The following SULF1 variants were observed in gnomAD, a reference collection of about 807,000 sequenced individuals.
The protein encoded by SULF1 is extracellular sulfatase Sulf-1.
In SULF1, 46 loss-of-function variants were observed where a neutral mutation model predicts 110.5. The ratio of observed to expected loss-of-function variants is 0.42; its 90% confidence interval spans 0.33 to 0.53. SULF1 has a LOEUF of 0.53. Among genes scored for constraint, SULF1 ranks in the 20% least tolerant of loss-of-function variants. The probability of loss-of-function intolerance (pLI) is 0.12; values close to 1 mark genes in which losing one functional copy is unlikely to be tolerated. For synonymous variants in SULF1, 371 were observed against 387.1 expected (o/e 0.96, Z 0.49); for missense variants, 941 against 1,094.2 (o/e 0.86, Z 1.98).
chr8:69,526,138 C>A (rs1162998219), intron 3 of SULF1, among the ~76,000 whole-genome samples: 1 of 152,080 alleles, frequency 6.6e-6, no homozygotes, highest in Non-Finnish European at 1.5e-5. Flanking sequence ...TTCTGCAAGA[C>A]CGTGCCAGCT....
Position 69,659,429 on chromosome 8 carries a change from C to G in SULF1, c.*894C>G, listed in dbSNP as rs925486978. On this transcript the variant is annotated 3_prime_UTR_variant, in exon 23 of 23. Transcript: ENST00000402687. ...CAACATTCCAAGCTACCCTGGGTAC[C>G]TTTGTGCAGTAGAAGCTAGTGAGCA... is the stretch of plus-strand genomic sequence containing the variant. The G allele has an allele frequency of 2.9e-6, 1 of 344,386 alleles. No individual in the cohort carries two copies. Among genetic ancestry groups the G allele is most frequent in the Non-Finnish European group, 5.7e-6 (1 of 176,474 alleles). The allele number at this position is 344,386 out of a possible 1,614,324, so 21.3% of individuals were successfully genotyped here.
chr8:69,582,961 A>G (rs897857737), intron 6 of SULF1, among the ~76,000 whole-genome samples: 6 of 152,200 alleles, frequency 3.9e-5, no homozygotes, highest in African/African-American at 1.4e-4. Context: ...AACTACACGT[A>G]GTCAGCACAG....
At chr8:69,554,995 AAAAC>A (rs777790520) in intron 3 of SULF1, among the ~76,000 whole-genome samples, 1,087 of 86,964 alleles carry the variant, frequency 0.012, 146 homozygotes, top group African/African-American at 0.062. Context: ...AAAAAAAAAA[AAAAC>A]AAAAAAAAAA....
At chr8:69,579,719 C>A (rs1805932876) in intron 6 of SULF1, among the ~76,000 whole-genome samples, 1 of 152,002 alleles carries the variant, frequency 6.6e-6, no homozygotes, top group African/African-American at 2.4e-5. Context: ...GGACAACAAC[C>A]CATTTGAAAA....
intron 3 of SULF1, among the ~76,000 whole-genome samples, chr8:69,535,411 G>C (rs916458857): frequency 1.1e-4 from 17 of 152,210 alleles, no homozygotes; most frequent in Admixed American, 8.5e-4. Context: ...GAACAGAAGA[G>C]AGGTGCACTC....
At position 69,623,964 on chromosome 8, in the gene SULF1, T is replaced by C. The variant is rs1222070851; in HGVS notation, c.1617T>C (p.His539=). The C allele has an allele frequency of 1.2e-6, 2 of 1,613,884 alleles. No individual in the cohort carries two copies. The highest frequency in any genetic ancestry group is 1.7e-5 in the Admixed American group (1 of 59,972). The stretch of plus-strand genomic sequence containing the variant: ...TAGAGTACAAGCCCAGATTTGTCCA[T>C]ACTCGGCAGACACGTTCCTTGTCCG... ...GTPKYKPRFV[H]TRQTRSLSVE... Residue 539 remains histidine, a synonymous_variant, in exon 15 of 23, where the codon CAT becomes CAC. Coordinates refer to ENST00000402687, the MANE Select transcript of SULF1 (RefSeq NM_001128205.2).
intron 7 of SULF1, among the ~76,000 whole-genome samples, 200 bp from the exon 8 acceptor site, chr8:69,588,772 G>A (rs1806654251): frequency 6.6e-6 from 1 of 152,102 alleles, no homozygotes; most frequent in Non-Finnish European, 1.5e-5. Context: ...TACCAAGCTA[G>A]CAACCCTAGA....
chr8:69,602,403 G>C (rs1807897995), intron 10 of SULF1, among the ~76,000 whole-genome samples: 1 of 152,308 alleles, frequency 6.6e-6, no homozygotes, highest in Admixed American at 6.5e-5. Context: ...ATCATCTCAG[G>C]ATGTTTTGAA....
In SULF1 at chr8:69,538,010, T is replaced by G. The variant is rs529936894; in HGVS notation, c.-133-25529T>G. 2.6e-4 allele frequency among the ~76,000 whole-genome samples: 39 copies of G among 151,514 alleles called. No homozygotes were observed. The East Asian group carries it at 2.9e-3, about 11-fold the overall frequency. ...GAGTCTCGCTCTTTCACCCAGGCTG[T>G]CGTGCAGTGGCGCCATCTCGGCTCA... is the stretch of plus-strand genomic sequence containing the variant. On this transcript the variant is annotated intron_variant, in intron 3 of 22. Transcript: ENST00000402687.
intron 8 of SULF1, among the ~76,000 whole-genome samples, chr8:69,591,576 A>C (rs1244800220): frequency 1.3e-5 from 2 of 151,708 alleles, no homozygotes. Context: ...AAAAAAAAAC[A>C]AAGAAAAGAA....
chr8:69,569,301 T>C (rs1805045474), intron 5 of SULF1, among the ~76,000 whole-genome samples: 1 of 152,214 alleles, frequency 6.6e-6, no homozygotes, highest in South Asian at 2.1e-4. Flanking sequence ...CAGATGTATG[T>C]TGTTTGATGA....
At chr8:69,599,374 C>T (rs1049741676) in intron 8 of SULF1, among the ~76,000 whole-genome samples, 2 of 152,148 alleles carry the variant, frequency 1.3e-5, no homozygotes, top group Admixed American at 6.6e-5. Flanking sequence ...CAATCTCAGA[C>T]GTAGCAAGCA....
In SULF1 at chr8:69,575,905, G is replaced by A. The variant is rs1586446781; in HGVS notation, c.173-65G>A. On this transcript the variant is annotated intron_variant, in intron 5 of 22. Coordinates refer to ENST00000402687, the MANE Select transcript of SULF1 (RefSeq NM_001128205.2). The stretch of plus-strand genomic sequence containing the variant: ...GTCAGGGAAACAGAGGCACTGAGGG[G>A]CACAATCGAAATAGGCATTCATGTG... 7 of 1,567,854 alleles carry A rather than the reference G, an allele frequency of 4.5e-6. No homozygotes were observed. In the East Asian group the frequency reaches 1.4e-4, roughly 30 times the overall value.
intron 8 of SULF1, among the ~76,000 whole-genome samples, chr8:69,594,120 C>T (rs1473142801): frequency 6.6e-6 from 1 of 151,864 alleles, no homozygotes; most frequent in Non-Finnish European, 1.5e-5. Context: ...GGCACAATCT[C>T]GGCTCACCAC....
In SULF1 at chr8:69,655,351, C is replaced by T. The variant is rs1471099972; in HGVS notation, c.2586-3154C>T. 4.6e-5 allele frequency among the ~76,000 whole-genome samples: 7 copies of T among 152,348 alleles called. No homozygotes were observed. In the East Asian group the frequency reaches 1.2e-3, roughly 25 times the overall value. ...ATTTTATGAGCCCCAGTGGCTACCA[C>T]AAGGGAGCACACCAAAAGGTCCACT... On this transcript the variant is annotated intron_variant, in intron 22 of 22. Transcript: ENST00000402687.
At chr8:69,477,003 C>A (rs1331887867) in intron 1 of SULF1, among the ~76,000 whole-genome samples, 1 of 152,158 alleles carries the variant, frequency 6.6e-6, no homozygotes, top group Non-Finnish European at 1.5e-5. Context: ...AGATTAGGGA[C>A]TGAAACATGA....
intron 5 of SULF1, among the ~76,000 whole-genome samples, chr8:69,567,095 G>A (rs1024170636): frequency 6.6e-6 from 1 of 151,968 alleles, no homozygotes; most frequent in African/African-American, 2.4e-5. Context: ...AAAAACAATC[G>A]GCAAATTCAT....
chr8:69,634,461 A>G (rs1342659534), intron 19 of SULF1, among the ~76,000 whole-genome samples: 4 of 152,326 alleles, frequency 2.6e-5, no homozygotes, highest in Non-Finnish European at 5.9e-5. Flanking sequence ...CAGAAAGGAT[A>G]TGAAAAGTTT....
chr8:69,570,858 G>C (rs545586128), intron 5 of SULF1, among the ~76,000 whole-genome samples: 1 of 152,190 alleles, frequency 6.6e-6, no homozygotes, highest in Non-Finnish European at 1.5e-5. Context: ...TCCCAGCCTG[G>C]AACTGGGGCA....
Sources: allele counts gnomAD v4.1 joint callset (sites outside exome capture counted in the v4.1 genomes callset), GRCh38; gene constraint gnomAD v4.1.1; transcripts MANE v1.5; gene names NCBI Gene and HGNC (gene_info 2026-07-23, HGNC 2026-07-21).